The following LMO7 variants were observed in gnomAD, a reference collection of about 807,000 sequenced individuals.
LMO7 encodes LIM domain only protein 7.
A neutral mutation model predicts 206.5 loss-of-function variants in LMO7; 120 were observed. The observed-to-expected ratio is 0.58, with a 90% CI of 0.50 to 0.68. LMO7 has a LOEUF of 0.68. Ranked by LOEUF, LMO7 falls within the 30% of genes least tolerant of loss-of-function variation. The pLI is 0.00. For synonymous variants in LMO7, 706 were observed against 681.5 expected (o/e 1.04, Z -0.56); for missense variants, 1,959 against 1,957.9 (o/e 1.00, Z -0.01).
intron 6 of LMO7, among the ~76,000 whole-genome samples, chr13:75,800,231 G>C (rs1250615460): frequency 6.6e-6 from 1 of 152,116 alleles, no homozygotes; most frequent in Non-Finnish European, 1.5e-5. Context: ...ATATTTCCTG[G>C]AGATAGAGTG....
intron 2 of LMO7, among the ~76,000 whole-genome samples, chr13:75,626,593 A>AT (rs1566249204): frequency 1.5e-5 from 1 of 64,734 alleles, no homozygotes; most frequent in African/African-American, 3.7e-5. Context: ...ATATATATAT[A>AT]AATTTTTTTG....
chr13:75,646,777 GT>G (rs1167904216), intron 1 of LMO7, among the ~76,000 whole-genome samples: 1 of 151,938 alleles, frequency 6.6e-6, no homozygotes, highest in African/African-American at 2.4e-5. Context: ...TAGAGACAGG[GT>G]TTTTTCATGT....
At chr13:75,635,120 G>C (rs982089846), upstream of LMO7, among the ~76,000 whole-genome samples, 1 of 152,054 alleles carries the variant, frequency 6.6e-6, no homozygotes, top group Admixed American at 6.5e-5. Context: ...TAAGGCAAAA[G>C]GCAAACAGTT....
At chr13:75,835,104 C>A (rs753766527) in intron 17 of LMO7, 129 bp from the exon 18 acceptor site, 1 of 1,195,462 alleles carries the variant, frequency 8.4e-7, no homozygotes, top group Non-Finnish European at 1.1e-6. Flanking sequence ...TTTATTCTTT[C>A]CACTTCAACA....
chr13:75,791,119 A>ATTCT (rs1462077903), intron 4 of LMO7, among the ~76,000 whole-genome samples: 1 of 151,726 alleles, frequency 6.6e-6, no homozygotes, highest in Non-Finnish European at 1.5e-5. Context: ...GCAAGTATGG[A>ATTCT]TTCTTTGGGC....
At chr13:75,791,267 T>C (rs2053246892) in intron 4 of LMO7, among the ~76,000 whole-genome samples, 1 of 152,164 alleles carries the variant, frequency 6.6e-6, no homozygotes, top group Non-Finnish European at 1.5e-5. Flanking sequence ...ATTATTGATT[T>C]GATTCTAAAG....
At chr13:75,786,499 C>G (rs974115892) in intron 4 of LMO7, among the ~76,000 whole-genome samples, 1 of 152,094 alleles carries the variant, frequency 6.6e-6, no homozygotes, top group African/African-American at 2.4e-5. Context: ...CTCAGCCTCC[C>G]GAGTAGCTGG....
At chr13:75,650,671 A>G (rs1242137635) in intron 1 of LMO7, among the ~76,000 whole-genome samples, 1 of 152,174 alleles carries the variant, frequency 6.6e-6, no homozygotes, top group Non-Finnish European at 1.5e-5. Flanking sequence ...GAATTTTCAG[A>G]TTAGAATTGG....
At chr13:75,623,975 T>A (rs1352749498) in intron 2 of LMO7, among the ~76,000 whole-genome samples, 1 of 152,226 alleles carries the variant, frequency 6.6e-6, no homozygotes, top group Non-Finnish European at 1.5e-5. Context: ...ACACCTCCTA[T>A]AATTTTCAAA....
chr13:75,845,995 A>T (rs2059963808), intron 26 of LMO7, among the ~76,000 whole-genome samples: 1 of 152,142 alleles, frequency 6.6e-6, no homozygotes, highest in South Asian at 2.1e-4. Context: ...GGTAGGGCTG[A>T]GGTCAACATG....
chr13:75,858,757 A>T lies in LMO7; in HGVS notation c.*814A>T, dbSNP rs2061140682. The T allele has an allele frequency of 6.6e-6, 1 of 152,320 alleles. No homozygotes were observed. Among genetic ancestry groups the T allele is most frequent in the South Asian group, 2.1e-4 (1 of 4,822 alleles). The allele number at this position is 152,320 out of a possible 1,614,324, so 9.4% of individuals were successfully genotyped here. On this transcript the variant is annotated 3_prime_UTR_variant, in exon 31 of 31. Transcript: ENST00000377534. ...ATATTTCAGTATGTGGCCTTTTTTG[A>T]TGTTATGTTTTATCCAGTAGCTTTA...
intron 1 of LMO7, among the ~76,000 whole-genome samples, chr13:75,648,564 C>T (rs907975551): frequency 2.0e-5 from 3 of 152,160 alleles, no homozygotes; most frequent in Admixed American, 2.0e-4. Flanking sequence ...TATCTGCCTC[C>T]GTCTTACTCA....
intron 3 of LMO7, among the ~76,000 whole-genome samples, chr13:75,731,026 G>T (rs1198171725): frequency 2.6e-5 from 4 of 151,744 alleles, no homozygotes; most frequent in Admixed American, 2.6e-4. Context: ...TTTTACATTT[G>T]CTGAGGAGAG....
intron 4 of LMO7, among the ~76,000 whole-genome samples, chr13:75,766,745 T>C (rs1022365815): frequency 6.6e-6 from 1 of 152,130 alleles, no homozygotes; most frequent in African/African-American, 2.4e-5. Flanking sequence ...GTCTAGCTTT[T>C]CTAGAGACTT....
At chr13:75,626,026 G>A (rs2034017205) in intron 2 of LMO7, among the ~76,000 whole-genome samples, 1 of 151,974 alleles carries the variant, frequency 6.6e-6, no homozygotes, top group Non-Finnish European at 1.5e-5. Context: ...TAGAGGTGAG[G>A]GTGAGGTTCG....
chr13:75,748,300 C>G (rs927488645), intron 3 of LMO7, among the ~76,000 whole-genome samples: 1 of 152,134 alleles, frequency 6.6e-6, no homozygotes, highest in Non-Finnish European at 1.5e-5. Flanking sequence ...TAATAGGAGA[C>G]TAATACAGAG....
chr13:75,742,577 C>A (rs1297135658), intron 3 of LMO7, among the ~76,000 whole-genome samples: 1 of 152,172 alleles, frequency 6.6e-6, no homozygotes, highest in Non-Finnish European at 1.5e-5. Context: ...TGCACACTTA[C>A]AACCATCTGA....
chr13:75,732,731 GT>G (rs201439808), intron 3 of LMO7, among the ~76,000 whole-genome samples: 3,889 of 152,190 alleles, frequency 0.026, 90 homozygotes, highest in Non-Finnish European at 0.041. Context: ...TTTTTCTGCT[GT>G]TTTTTCCCCA....
intron 1 of LMO7, among the ~76,000 whole-genome samples, chr13:75,637,366 C>T (rs961104776): frequency 3.9e-5 from 6 of 152,108 alleles, no homozygotes; most frequent in African/African-American, 1.4e-4. Context: ...GAGCTGTTAC[C>T]CTCCCAGCTG....
Sources: gnomAD v4.1 joint callset for allele counts (sites outside exome capture counted in the v4.1 genomes callset) on GRCh38, gnomAD v4.1.1 for gene constraint, MANE v1.5 for transcripts, NCBI Gene and HGNC (gene_info 2026-07-23, HGNC 2026-07-21) for gene names.